Variants in ICA1 observed in about 807,000 individuals in gnomAD.
ICA1 encodes 69 kDa islet cell autoantigen.
A neutral mutation model predicts 71.0 loss-of-function variants in ICA1; 40 were observed. The ratio of observed to expected loss-of-function variants is 0.56; its 90% CI spans 0.44 to 0.73. The LOEUF (loss-of-function observed/expected upper bound fraction) is 0.73, where lower values mean the gene tolerates loss of function less well. Ranked by LOEUF, ICA1 falls within the 30% of genes least tolerant of loss-of-function variation. The pLI is 0.00. For synonymous variants in ICA1, 207 were observed against 209.5 expected, an observed-to-expected ratio of 0.99 and a Z score of 0.10; for missense variants, 578 against 576.5, an observed-to-expected ratio of 1.00 and a Z score of -0.03.
intron 6 of ICA1, among the ~76,000 whole-genome samples, chr7:8,206,089 C>A (rs1372661388): frequency 6.6e-6 from 1 of 152,132 alleles, no homozygotes; most frequent in Non-Finnish European, 1.5e-5. Flanking sequence ...CCTTCTAGGA[C>A]AGAATTGAGA....
chr7:8,229,090 A>G (rs1019404572), intron 3 of ICA1, among the ~76,000 whole-genome samples: 4 of 152,182 alleles, frequency 2.6e-5, no homozygotes, highest in Admixed American at 2.6e-4. Flanking sequence ...AATTAAGCAT[A>G]TTTAAAAGAT....
chr7:8,224,839 T>A (rs1798128055), intron 4 of ICA1, among the ~76,000 whole-genome samples: 1 of 152,206 alleles, frequency 6.6e-6, no homozygotes, highest in Admixed American at 6.5e-5. Context: ...GTCAGATATT[T>A]TGTAGAATGT....
intron 13 of ICA1, among the ~76,000 whole-genome samples, chr7:8,117,501 T>C (rs913353238): frequency 6.6e-6 from 1 of 152,210 alleles, no homozygotes; most frequent in Non-Finnish European, 1.5e-5. Context: ...TCATTGTATA[T>C]ATGCAAGTCT....
chr7:8,262,537 C>G (rs1300825399), upstream of ICA1: 3 of 152,290 alleles, frequency 2.0e-5, no homozygotes, highest in Admixed American at 2.0e-4. Flanking sequence ...ATCCCCCGCT[C>G]GGATCCGCCG....
chr7:8,155,589 G>T (rs1801208688), intron 8 of ICA1, among the ~76,000 whole-genome samples: 1 of 152,098 alleles, frequency 6.6e-6, no homozygotes, highest in African/African-American at 2.4e-5. Flanking sequence ...CTTCTAACTG[G>T]TTGGTGTATG....
chr7:8,150,194 A>T (rs1441560327), intron 8 of ICA1, among the ~76,000 whole-genome samples: 1 of 152,222 alleles, frequency 6.6e-6, no homozygotes, highest in African/African-American at 2.4e-5. Flanking sequence ...GTGCTGTGGC[A>T]TGGACATGGT....
intron 6 of ICA1, among the ~76,000 whole-genome samples, chr7:8,215,757 T>C (rs754001263): frequency 7.2e-5 from 11 of 152,190 alleles, no homozygotes; most frequent in Non-Finnish European, 1.2e-4. Context: ...AGCAAAATAC[T>C]ACTTTAGCTC....
At chr7:8,192,812 T>C (rs1206765446) in intron 6 of ICA1, among the ~76,000 whole-genome samples, 4 of 152,208 alleles carry the variant, frequency 2.6e-5, no homozygotes, top group Non-Finnish European at 5.9e-5. Context: ...ACTAAAATTA[T>C]TTATTTAAAT....
At chr7:8,176,025 T>C (rs933686262) in intron 6 of ICA1, among the ~76,000 whole-genome samples, 5 of 152,238 alleles carry the variant, frequency 3.3e-5, no homozygotes, top group Non-Finnish European at 7.3e-5. Context: ...TGTTTCATTC[T>C]GCAACTCCCC....
At chr7:8,186,535 G>A (rs1162049740) in intron 6 of ICA1, among the ~76,000 whole-genome samples, 1 of 152,168 alleles carries the variant, frequency 6.6e-6, no homozygotes, top group African/African-American at 2.4e-5. Context: ...TGGCAGCTCT[G>A]TGTAGGCTGC....
intron 1 of ICA1, among the ~76,000 whole-genome samples, chr7:8,252,446 T>C (rs1006696115): frequency 1.3e-5 from 2 of 152,172 alleles, no homozygotes; most frequent in Admixed American, 1.3e-4. Context: ...ACTTAAATTT[T>C]CTTTTTATGG....
intron 12 of ICA1, among the ~76,000 whole-genome samples, chr7:8,131,505 G>T (rs1276867658): frequency 1.3e-5 from 2 of 152,096 alleles, no homozygotes; most frequent in African/African-American, 4.8e-5. Flanking sequence ...GTCTACCAAT[G>T]AATTTAGCCT....
At chr7:8,248,674 C>T (rs533759952) in intron 1 of ICA1, among the ~76,000 whole-genome samples, 1 of 152,184 alleles carries the variant, frequency 6.6e-6, no homozygotes, top group South Asian at 2.1e-4. Context: ...TGAGATCATG[C>T]CACTGCACTC....
intron 8 of ICA1, among the ~76,000 whole-genome samples, chr7:8,152,545 TCAC>T (rs989011216): frequency 1.1e-4 from 14 of 126,608 alleles, no homozygotes; most frequent in African/African-American, 3.7e-4. Context: ...GCTATTACCA[TCAC>T]CACCTCCACC....
rs528646093 is a variant in ICA1 at position 8,132,646 on chromosome 7, C to G, written c.1061-4504G>C. Among the ~76,000 whole-genome samples the G allele has an allele frequency of 6.6e-6, 1 of 152,204 alleles. No individual in the cohort carries two copies. The highest frequency in any genetic ancestry group is 1.5e-5 in the Non-Finnish European group (1 of 68,032). ...GGGAGTCCCCATGAGGCGGCTCTCT[C>G]GGATGACCTCCCATCTCCCTGACAG... On this transcript the variant is annotated intron_variant, in intron 12 of 13. Coordinates refer to ENST00000402384, the MANE Select transcript of ICA1 (RefSeq NM_001136020.3). The surrounding 1 kb of genome is among the most constrained non-coding windows in gnomAD (Gnocchi z 4.5).
chr7:8,207,685 C>G (rs897230704), intron 6 of ICA1, among the ~76,000 whole-genome samples: 5 of 152,192 alleles, frequency 3.3e-5, no homozygotes, highest in Admixed American at 6.5e-5. Flanking sequence ...GAACAGAGCT[C>G]CTGCTGACCA....
chr7:8,224,654 C>A (rs1048807740), intron 4 of ICA1, among the ~76,000 whole-genome samples: 1 of 152,154 alleles, frequency 6.6e-6, no homozygotes, highest in South Asian at 2.1e-4. Context: ...TATCAACTAA[C>A]CTACAGCCCT....
At chr7:8,136,736 C>G (rs182783517) in intron 12 of ICA1, among the ~76,000 whole-genome samples, 7 of 152,154 alleles carry the variant, frequency 4.6e-5, no homozygotes, top group Non-Finnish European at 8.8e-5. Context: ...TTTTAAGGGA[C>G]CAGCACATTA....
At chr7:8,181,219 A>C (rs940825539) in intron 6 of ICA1, among the ~76,000 whole-genome samples, 3 of 152,076 alleles carry the variant, frequency 2.0e-5, no homozygotes, top group African/African-American at 7.2e-5. Context: ...ATCCAGCGTA[A>C]TTTTCTAAAA....
Sources: gnomAD v4.1 joint callset for allele counts (sites outside exome capture counted in the v4.1 genomes callset) on GRCh38, gnomAD v4.1.1 for gene constraint, Gnocchi (gnomAD v3.1) non-coding constraint, MANE v1.5 for transcripts, NCBI Gene and HGNC (gene_info 2026-07-23, HGNC 2026-07-21) for gene names.